TLE3: variants seen among roughly 807,000 people sequenced by gnomAD.
TLE3 encodes transducin-like enhancer protein 3.
A neutral mutation model predicts 93.0 loss-of-function variants in TLE3; 14 were observed. That is an observed-to-expected ratio of 0.15 (90% CI 0.10 to 0.24). The LOEUF is 0.24. Ranked by LOEUF, TLE3 falls within the 10% of genes least tolerant of loss-of-function variation. The pLI, the probability that TLE3 is intolerant of heterozygous loss-of-function variation, is 1.00. For missense variants in TLE3, 693 were observed against 1,046.6 expected (o/e 0.66, Z 4.66); for synonymous variants, 451 against 425.0 (o/e 1.06, Z -0.75).
intron 4 of TLE3, among the ~76,000 whole-genome samples, chr15:70,081,730 G>A (rs1023345799): frequency 6.6e-6 from 1 of 152,254 alleles, no homozygotes; most frequent in African/African-American, 2.4e-5. Context: ...AATCAGGGCA[G>A]TGTCATGCAA....
At position 70,096,845 on chromosome 15, in the gene TLE3, C is replaced by A; in HGVS notation, c.-47G>T. 1.9e-6 allele frequency: 3 copies of A among 1,591,816 alleles called. No homozygotes were observed. The highest frequency in any genetic ancestry group is 2.6e-6 in the Non-Finnish European group (3 of 1,170,106). On this transcript the variant is annotated 5_prime_UTR_variant, in exon 1 of 20. Coordinates refer to ENST00000451782, the MANE Select transcript of TLE3 (RefSeq NM_001105192.3). Reference sequence around the variant, plus strand: ...CGAGAGCGTGGAAGCGCCGAGAGCCCGGGCCGGGGAGGTGCGGGGGAGGGG... The same window carrying A: ...CGAGAGCGTGGAAGCGCCGAGAGCCAGGGCCGGGGAGGTGCGGGGGAGGGG...
chr15:70,074,654 G>T, intron 5 of TLE3, 47 bp from the exon 6 acceptor site: 1 of 1,535,564 alleles, frequency 6.5e-7, no homozygotes. Context: ...TTCCTGGACA[G>T]AGGAGGTCAC....
At chr15:70,072,305 A>G (rs115801382) in intron 6 of TLE3, among the ~76,000 whole-genome samples, 1 of 152,334 alleles carries the variant, frequency 6.6e-6, no homozygotes, top group Non-Finnish European at 1.5e-5. Flanking sequence ...AATTATTTTC[A>G]TAAGAGGATT....
At chr15:70,077,506 C>A (rs1445827219) in intron 4 of TLE3, among the ~76,000 whole-genome samples, 1 of 152,214 alleles carries the variant, frequency 6.6e-6, no homozygotes, top group East Asian at 1.9e-4. Context: ...CATAAATAGA[C>A]CCTGGACCTC....
chr15:70,082,250 A>C (rs1250811406), intron 4 of TLE3, among the ~76,000 whole-genome samples: 1 of 152,128 alleles, frequency 6.6e-6, no homozygotes, highest in Non-Finnish European at 1.5e-5. Flanking sequence ...CTTGCCAGGT[A>C]GTTTCTCCTT....
At chr15:70,067,673 T>A (rs1287831947) in intron 6 of TLE3, among the ~76,000 whole-genome samples, 4 of 152,138 alleles carry the variant, frequency 2.6e-5, no homozygotes, top group African/African-American at 7.2e-5. Flanking sequence ...GGCCCATGGC[T>A]CTGGCAGGAG....
chr15:70,063,830 G>C (rs964912202), intron 8 of TLE3, among the ~76,000 whole-genome samples: 1 of 152,226 alleles, frequency 6.6e-6, no homozygotes, highest in Non-Finnish European at 1.5e-5. Context: ...CTTAATGCTC[G>C]CCTGCTAGCA....
intron 4 of TLE3, among the ~76,000 whole-genome samples, chr15:70,090,298 C>T (rs1381416055): frequency 7.0e-6 from 1 of 142,092 alleles, no homozygotes; most frequent in East Asian, 2.3e-4. Flanking sequence ...GGCATGGGGC[C>T]GGGTGGGAGG....
intron 3 of TLE3, among the ~76,000 whole-genome samples, chr15:70,095,071 G>A (rs2058485651): frequency 6.6e-6 from 1 of 152,206 alleles, no homozygotes; most frequent in Non-Finnish European, 1.5e-5. Flanking sequence ...CTGAGGAGGG[G>A]AGTGGAGGCA....
intron 13 of TLE3, 78 bp from the exon 14 acceptor site, chr15:70,056,452 C>CGG: frequency 7.2e-7 from 1 of 1,382,148 alleles, no homozygotes; most frequent in Non-Finnish European, 1.0e-6. Context: ...ACCACCCACC[C>CGG]GGGGTCCTAC....
rs2056272665 is a variant in TLE3 at position 70,058,855 on chromosome 15, A to G, written c.766-40T>C. 1.3e-6 allele frequency: 2 copies of G among 1,511,976 alleles called. No individual in the cohort carries two copies. Among genetic ancestry groups the G allele is most frequent in the South Asian group, 2.7e-5 (2 of 75,322 alleles). The allele number at this position is 1,511,976 out of a possible 1,614,324, so 93.7% of individuals were successfully genotyped here. ...GATGCAGAGATGCACTGAAAGCAAC[A>G]GCCAGCCTCGAGGCTTCCCTGCTCT... On this transcript the variant is annotated intron_variant, in intron 10 of 19. Coordinates refer to ENST00000451782, the MANE Select transcript of TLE3 (RefSeq NM_001105192.3). This position sits in a 1 kb window ranked among gnomAD's most constrained non-coding sequence, Gnocchi z 4.1.
At chr15:70,056,052 C>T (rs2055991725) in intron 14 of TLE3, 1 of 585,538 alleles carries the variant, frequency 1.7e-6, no homozygotes. Context: ...TGGCCATGTA[C>T]TTAGCTAACT....
At chr15:70,070,922 C>T (rs1379067777) in intron 6 of TLE3, among the ~76,000 whole-genome samples, 1 of 152,122 alleles carries the variant, frequency 6.6e-6, no homozygotes, top group East Asian at 1.9e-4. Flanking sequence ...TCTTCCTCTC[C>T]TCCCTCCCAC....
chr15:70,078,473 T>C (rs995218040), intron 4 of TLE3, among the ~76,000 whole-genome samples: 5 of 152,258 alleles, frequency 3.3e-5, no homozygotes, highest in Non-Finnish European at 5.9e-5. Flanking sequence ...TAAACAACAA[T>C]AGAGCAGTGT....
chr15:70,094,639 G>T (rs1192083698), intron 3 of TLE3, 63 bp from the exon 4 acceptor site: 1 of 1,283,434 alleles, frequency 7.8e-7, no homozygotes, highest in African/African-American at 1.5e-5. Flanking sequence ...TTCAAAATCA[G>T]TTTTTTCTTG....
chr15:70,060,229 G>A (rs555888630), intron 9 of TLE3, among the ~76,000 whole-genome samples: 30 of 152,306 alleles, frequency 2.0e-4, no homozygotes, highest in African/African-American at 2.9e-4. Flanking sequence ...GTGGGATTCC[G>A]GCAGCACCAT....
rs1160368651 is a variant in TLE3, at chr15:70,052,827, TA to T, written c.1975-304del. 1.3e-5 allele frequency: 4 copies of T among 305,128 alleles called. No individual in the cohort carries two copies. The Admixed American group carries it at 1.8e-4, about 14-fold the overall frequency. 18.9% of individuals were successfully genotyped at this position (305,128 alleles called of 1,614,324 possible). On this transcript the variant is annotated intron_variant, in intron 17 of 19. Coordinates refer to ENST00000451782, the MANE Select transcript of TLE3 (RefSeq NM_001105192.3). Reference sequence around the variant, plus strand: ...AAAATATTAAAGTGAGGAATGCAAATAAGAAATAATAATCCCTGGCATTTAC... The same window carrying T: ...AAAATATTAAAGTGAGGAATGCAAATAGAAATAATAATCCCTGGCATTTAC...
chr15:70,097,568 C>T lies in TLE3; in HGVS notation c.-770G>A. The T allele has an allele frequency of 2.5e-6, 1 of 399,386 alleles. No individual in the cohort carries two copies. The highest frequency in any genetic ancestry group is 4.4e-6 in the Non-Finnish European group (1 of 226,294). 24.7% of individuals were successfully genotyped at this position (399,386 alleles called of 1,614,324 possible). ...TAAGTCCAGCGGGCACGGGAAGCCT[C>T]CGCAAAGGGTTCTCGCTGCTCCCAG... On this transcript the variant is annotated 5_prime_UTR_variant, in exon 1 of 20. Coordinates refer to ENST00000451782, the MANE Select transcript of TLE3 (RefSeq NM_001105192.3).
At chr15:70,057,420 C>T (rs372843298) in intron 13 of TLE3, 39 bp downstream of exon 13, 45 of 1,547,330 alleles carry the variant, frequency 2.9e-5, no homozygotes, top group East Asian at 4.8e-5. Context: ...CCCCACACCA[C>T]GCCCAGTCCC....
Sources: allele counts gnomAD v4.1 joint callset (sites outside exome capture counted in the v4.1 genomes callset), GRCh38; gene constraint gnomAD v4.1.1; non-coding constraint Gnocchi (gnomAD v3.1); transcripts MANE v1.5; gene names NCBI Gene and HGNC (gene_info 2026-07-23, HGNC 2026-07-21).